Variants in PTPRN2 observed in about 807,000 individuals in gnomAD.
PTPRN2 encodes the protein receptor-type tyrosine-protein phosphatase N2.
PTPRN2 carries 74 observed loss-of-function variants against 118.8 expected under a neutral mutation model. The observed-to-expected ratio is 0.62, with a 90% CI of 0.52 to 0.76. The LOEUF (loss-of-function observed/expected upper bound fraction) is 0.76, where lower values mean the gene tolerates loss of function less well. PTPRN2 is among the 30% of genes least tolerant of loss of function. PTPRN2 has a pLI of 0.00. For missense variants in PTPRN2, 1,481 were observed against 1,394.4 expected (o/e 1.06, Z -0.99); for synonymous variants, 641 against 608.0 (o/e 1.05, Z -0.80).
chr7:158,384,112 G>T (rs1811156687), intron 2 of PTPRN2, among the ~76,000 whole-genome samples: 1 of 152,114 alleles, frequency 6.6e-6, no homozygotes, highest in Non-Finnish European at 1.5e-5. Flanking sequence ...CTCATGATTT[G>T]CGTGCACCAA....
At chr7:157,854,242 C>T (rs2151212581) in intron 12 of PTPRN2, among the ~76,000 whole-genome samples, 1 of 152,372 alleles carries the variant, frequency 6.6e-6, no homozygotes, top group Non-Finnish European at 1.5e-5. Context: ...GCGAGACTGT[C>T]ATCCCCCGAC....
At chr7:158,131,380 ACT>A (rs1475285316) in intron 9 of PTPRN2, among the ~76,000 whole-genome samples, 50 of 21,176 alleles carry the variant, frequency 2.4e-3, no homozygotes, top group African/African-American at 0.015. Context: ...CGACACACAC[ACT>A]CATACACACA....
At chr7:158,492,529 T>C (rs1435564880) in intron 1 of PTPRN2, among the ~76,000 whole-genome samples, 1 of 152,234 alleles carries the variant, frequency 6.6e-6, no homozygotes, top group Non-Finnish European at 1.5e-5. Flanking sequence ...TACTGGCATG[T>C]GCCCAACCTG....
intron 12 of PTPRN2, among the ~76,000 whole-genome samples, chr7:157,730,777 G>A (rs2150938688): frequency 6.6e-6 from 1 of 152,284 alleles, no homozygotes; most frequent in South Asian, 2.1e-4. Context: ...GGCGTTCTGT[G>A]GCCCCGGGGC....
At chr7:158,157,835 A>G (rs1467318767) in intron 6 of PTPRN2, among the ~76,000 whole-genome samples, 1 of 152,206 alleles carries the variant, frequency 6.6e-6, no homozygotes, top group Non-Finnish European at 1.5e-5. Flanking sequence ...GCTGACACAC[A>G]GGAAGAAAGG....
chr7:158,116,130 T>G (rs1175477255), intron 9 of PTPRN2, among the ~76,000 whole-genome samples: 1 of 152,186 alleles, frequency 6.6e-6, no homozygotes, highest in Non-Finnish European at 1.5e-5. Flanking sequence ...ACAAGTAGAT[T>G]CTACATTGGC....
chr7:158,449,054 G>A lies in PTPRN2; in HGVS notation c.163+40681C>T, dbSNP rs1486082440. On this transcript the variant is annotated intron_variant, in intron 2 of 22. Transcript: ENST00000389418. The stretch of plus-strand genomic sequence containing the variant: ...CAGCTGGATTCCAGGTTCCTTTGTG[G>A]GACTCGGCACCACCTGTGGACAACA... 2.0e-5 allele frequency among the ~76,000 whole-genome samples: 3 copies of A among 152,192 alleles called. No homozygotes were observed. In the East Asian group the frequency reaches 5.8e-4, roughly 29 times the overall value.
At chr7:157,920,212 T>C (rs62475361) in intron 11 of PTPRN2, among the ~76,000 whole-genome samples, 22,184 of 152,214 alleles carry the variant, frequency 0.15, 1,768 homozygotes, top group Non-Finnish European at 0.17. Context: ...TAAAAATTAC[T>C]AACCTGGCTA....
chr7:158,129,161 A>G (rs867424133), intron 9 of PTPRN2, among the ~76,000 whole-genome samples: 25 of 150,366 alleles, frequency 1.7e-4, no homozygotes, highest in Admixed American at 4.0e-4. Flanking sequence ...ACTACACACC[A>G]CACACATACA....
At chr7:158,564,363 G>A (rs1366388744) in intron 1 of PTPRN2, among the ~76,000 whole-genome samples, 1 of 152,242 alleles carries the variant, frequency 6.6e-6, no homozygotes, top group African/African-American at 2.4e-5. Flanking sequence ...GGGGGTAATA[G>A]AATTGTACAT....
At chr7:157,802,819 T>C (rs1805399698) in intron 12 of PTPRN2, among the ~76,000 whole-genome samples, 1 of 152,220 alleles carries the variant, frequency 6.6e-6, no homozygotes. Context: ...TCATTAGTGA[T>C]GTTGAGCATC....
intron 12 of PTPRN2, among the ~76,000 whole-genome samples, chr7:157,717,651 C>T (rs974116930): frequency 5.9e-5 from 9 of 152,284 alleles, no homozygotes; most frequent in African/African-American, 2.2e-4. Flanking sequence ...TCAGGCCAGG[C>T]AGCGGCCAAC....
chr7:157,581,238 C>T (rs150404209), intron 17 of PTPRN2, among the ~76,000 whole-genome samples: 233 of 152,312 alleles, frequency 1.5e-3, no homozygotes, highest in Admixed American at 2.6e-3. Context: ...GAAAATGAGC[C>T]GCAAGTGCTG....
intron 5 of PTPRN2, among the ~76,000 whole-genome samples, chr7:158,176,828 A>G (rs1343353226): frequency 6.6e-6 from 1 of 152,188 alleles, no homozygotes; most frequent in Non-Finnish European, 1.5e-5. Context: ...ACTCAAATGG[A>G]CATCGTGAAT....
At position 158,544,111 on chromosome 7, in the gene PTPRN2, G is replaced by A. The variant is rs1826147304; in HGVS notation, c.112+43447C>T. On this transcript the variant is annotated intron_variant, in intron 1 of 22. Transcript: ENST00000389418. This position sits in a 1 kb window ranked among gnomAD's most constrained non-coding sequence, Gnocchi z 4.2. ...ACGCTCAGGAGTGCACCCGGTGGAG[G>A]GGGATATGTACACCCGCCTGGGAGG... 6.6e-6 allele frequency among the ~76,000 whole-genome samples: 1 copy of A among 152,162 alleles called. No homozygotes were observed. The highest frequency in any genetic ancestry group is 1.5e-5 in the Non-Finnish European group (1 of 68,024).
chr7:158,184,127 T>C (rs1585770220), intron 5 of PTPRN2, among the ~76,000 whole-genome samples: 1 of 152,188 alleles, frequency 6.6e-6, no homozygotes, highest in East Asian at 1.9e-4. Context: ...AAGAAGAAAA[T>C]TTTTAAATTT....
rs534204410 is a variant in PTPRN2 at position 157,808,018 on chromosome 7, A to G, written c.1788+90655T>C. Reference sequence around the variant, plus strand: ...TAGTGAGCAGCAGAGCTGAGGTCCAACTCCAAGTGTGTTTGCCCCCAAACT... The same window carrying G: ...TAGTGAGCAGCAGAGCTGAGGTCCAGCTCCAAGTGTGTTTGCCCCCAAACT... On this transcript the variant is annotated intron_variant, in intron 12 of 22. Coordinates refer to ENST00000389418, the MANE Select transcript of PTPRN2 (RefSeq NM_002847.5). The surrounding 1 kb of genome is among the most constrained non-coding windows in gnomAD (Gnocchi z 5.0). Among the ~76,000 whole-genome samples, 1 of 152,196 alleles carries G rather than the reference A, an allele frequency of 6.6e-6. No homozygotes were observed. The highest frequency in any genetic ancestry group is 1.5e-5 in the Non-Finnish European group (1 of 67,990).
chr7:158,121,093 C>A lies in PTPRN2; in HGVS notation c.1557-10178G>T, dbSNP rs147176149. Among the ~76,000 whole-genome samples the A allele has an allele frequency of 5.3e-3, 803 of 152,314 alleles. 40 individuals are homozygous for A. The highest frequency in any genetic ancestry group is 0.042 in the Admixed American group (639 of 15,302). ...TCCTCCCGGCTCCTGTGCTCCCCAG[C>A]AGCCTGGGCTTTTCTCTCTGCCTGG... On this transcript the variant is annotated intron_variant, in intron 9 of 22. Transcript: ENST00000389418.
intron 11 of PTPRN2, among the ~76,000 whole-genome samples, chr7:157,927,544 A>G (rs1252846477): frequency 6.2e-4 from 55 of 89,182 alleles, no homozygotes; most frequent in African/African-American, 3.8e-3. Context: ...CAGAGGCCTC[A>G]CGTCTTCTGG....
Sources: gnomAD v4.1 joint callset for allele counts (sites outside exome capture counted in the v4.1 genomes callset) on GRCh38, gnomAD v4.1.1 for gene constraint, Gnocchi (gnomAD v3.1) non-coding constraint, MANE v1.5 for transcripts, NCBI Gene and HGNC (gene_info 2026-07-23, HGNC 2026-07-21) for gene names.